The following TENM1 variants were observed in gnomAD, a reference collection of about 807,000 sequenced individuals.
TENM1 encodes the protein teneurin-1.
In TENM1, 35 loss-of-function variants were observed where a neutral mutation model predicts 174.8. The ratio of observed to expected loss-of-function variants is 0.20; its 90% confidence interval spans 0.15 to 0.27. TENM1 has a LOEUF of 0.27. TENM1 is among the 10% of genes least tolerant of loss of function. The probability of loss-of-function intolerance (pLI) is 1.00; values close to 1 mark genes in which losing one functional copy is unlikely to be tolerated. For missense variants in TENM1, 1,633 were observed against 2,130.1 expected (o/e 0.77, Z 4.59); for synonymous variants, 781 against 798.7 (o/e 0.98, Z 0.37).
At chrX:124,446,754 C>A (rs1209555865) in intron 23 of TENM1, among the ~76,000 whole-genome samples, 2 of 112,540 alleles carry the variant, frequency 1.8e-5, no homozygotes, top group South Asian at 3.7e-4. Flanking sequence ...TTGGAAGGAA[C>A]CTTGAGAAAA....
At chrX:125,087,463 A>G in the TENM1 span, among the ~76,000 whole-genome samples, 1 of 111,225 alleles carries the variant, frequency 9.0e-6, no homozygotes, top group Non-Finnish European at 1.9e-5. Context: ...ATTCTTAACT[A>G]CAATCTGAAG....
At chrX:124,697,246 C>T (rs1165981049) in intron 5 of TENM1, among the ~76,000 whole-genome samples, 2 of 111,132 alleles carry the variant, frequency 1.8e-5, no homozygotes, top group African/African-American at 3.3e-5. Context: ...AGACTGGCAA[C>T]GCTTTGATGA....
intron 6 of TENM1, among the ~76,000 whole-genome samples, chrX:124,662,756 G>A (rs1452854118): frequency 8.9e-6 from 1 of 111,766 alleles, no homozygotes; most frequent in Non-Finnish European, 1.9e-5. Context: ...TCCAGAAACA[G>A]TCGTATTTTA....
chrX:124,600,049 T>C (rs2049993338), intron 11 of TENM1, among the ~76,000 whole-genome samples: 1 of 110,253 alleles, frequency 9.1e-6, no homozygotes, highest in Non-Finnish European at 1.9e-5. Flanking sequence ...TGTATATATA[T>C]ATATAAATGT....
intron 15 of TENM1, among the ~76,000 whole-genome samples, chrX:124,537,021 C>T (rs898087173): frequency 1.3e-4 from 15 of 111,399 alleles, no homozygotes; most frequent in Admixed American, 4.8e-4. Flanking sequence ...CCTCCACAGA[C>T]GAAGAAGTGT....
intron 6 of TENM1, among the ~76,000 whole-genome samples, chrX:124,661,624 G>A (rs773511757): frequency 3.6e-5 from 4 of 111,803 alleles, no homozygotes; most frequent in Non-Finnish European, 7.5e-5. Context: ...GCTGATTATA[G>A]CTCAGTTAAT....
the TENM1 span, among the ~76,000 whole-genome samples, chrX:125,136,266 G>T: frequency 1.7e-3 from 190 of 111,041 alleles, 2 homozygotes; most frequent in Admixed American, 3.6e-3. Context: ...GAGCAACTGA[G>T]TTAATTACTG....
intron 14 of TENM1, among the ~76,000 whole-genome samples, chrX:124,556,776 C>T (rs1429550986): frequency 1.8e-5 from 2 of 111,619 alleles, no homozygotes; most frequent in African/African-American, 6.5e-5. Flanking sequence ...TCATCCCTTA[C>T]AAAATTGTCT....
At chrX:124,655,286 T>C (rs1243559934) in intron 6 of TENM1, among the ~76,000 whole-genome samples, 2 of 111,883 alleles carry the variant, frequency 1.8e-5, no homozygotes, top group African/African-American at 6.5e-5. Context: ...ATCAGAGCTT[T>C]ATTATTTATT....
At chrX:124,947,139 C>G (rs2058415107) in intron 1 of TENM1, among the ~76,000 whole-genome samples, 1 of 111,639 alleles carries the variant, frequency 9.0e-6, no homozygotes, top group African/African-American at 3.3e-5. Context: ...AACACTGTCC[C>G]TTGGCCATGG....
At chrX:124,507,147 C>A (rs923971286) in intron 18 of TENM1, among the ~76,000 whole-genome samples, 1 of 111,463 alleles carries the variant, frequency 9.0e-6, no homozygotes, top group Non-Finnish European at 1.9e-5. Flanking sequence ...CTCAGAGAAG[C>A]TGTAGAAAGT....
the TENM1 span, among the ~76,000 whole-genome samples, chrX:125,191,517 C>T: frequency 9.0e-6 from 1 of 111,222 alleles, no homozygotes; most frequent in African/African-American, 3.3e-5. Flanking sequence ...ATAGGATGGT[C>T]AGAGTAGGCC....
In TENM1 at chrX:124,632,906, T is replaced by C. The variant is rs192355266; in HGVS notation, c.2077+8885A>G. ...GATCCTTCCCCATGGCCACTAATTT[T>C]TACACAATTGAATTATGGCTTCCTT... On this transcript the variant is annotated intron_variant, in intron 11 of 31. Transcript: ENST00000422452. 2.5e-3 allele frequency among the ~76,000 whole-genome samples: 276 copies of C among 111,628 alleles called. 1 individual carries two copies. The Middle Eastern group carries it at 0.028, about 11-fold the overall frequency.
At chrX:124,912,494 TG>T (rs2057853640) in intron 1 of TENM1, among the ~76,000 whole-genome samples, 1 of 109,597 alleles carries the variant, frequency 9.1e-6, no homozygotes, top group African/African-American at 3.3e-5. Context: ...TTTATTTTGT[TG>T]GGGGGAAGAG....
At chrX:124,642,337 C>T (rs924713100) in intron 10 of TENM1, among the ~76,000 whole-genome samples, 3 of 111,843 alleles carry the variant, frequency 2.7e-5, no homozygotes, top group Non-Finnish European at 5.6e-5. Flanking sequence ...GCAAAAAAGC[C>T]CAAGAGTTTT....
chrX:124,830,175 T>G (rs1329159855), intron 3 of TENM1, among the ~76,000 whole-genome samples: 1 of 111,799 alleles, frequency 8.9e-6, no homozygotes, highest in Non-Finnish European at 1.9e-5. Flanking sequence ...GGGCTAGAAA[T>G]GAAGAAATAA....
chrX:124,454,598 T>C lies in TENM1; in HGVS notation c.3950-1107A>G, dbSNP rs929487606. 3.7e-4 allele frequency among the ~76,000 whole-genome samples: 41 copies of C among 111,116 alleles called. 1 individual carries two copies. The highest frequency in any genetic ancestry group is 1.1e-4 in the Non-Finnish European group (6 of 53,021). On this transcript the variant is annotated intron_variant, in intron 22 of 31. Transcript: ENST00000422452. ...TTTTGTATTTTTAGTAGAGACAGGG[T>C]TTCACCATGTTGGCCAGGCTGGTCT...
chrX:124,723,171 C>T (rs1229812085), intron 4 of TENM1, among the ~76,000 whole-genome samples: 2 of 111,772 alleles, frequency 1.8e-5, no homozygotes, highest in Non-Finnish European at 3.8e-5. Flanking sequence ...CCCTACTTTA[C>T]CTTTTGTTTC....
At chrX:124,806,282 GA>G (rs1395768443) in intron 3 of TENM1, among the ~76,000 whole-genome samples, 3 of 111,778 alleles carry the variant, frequency 2.7e-5, no homozygotes, top group Non-Finnish European at 5.6e-5. Flanking sequence ...GAGAAAAAAA[GA>G]ATTAAAAGGA....
Sources: gnomAD v4.1 joint callset for allele counts (sites outside exome capture counted in the v4.1 genomes callset) on GRCh38, gnomAD v4.1.1 for gene constraint, MANE v1.5 for transcripts, NCBI Gene and HGNC (gene_info 2026-07-23, HGNC 2026-07-21) for gene names.